The following GGH variants were observed in gnomAD, a reference collection of about 807,000 sequenced individuals.
GGH encodes the protein gamma-glutamyl hydrolase, also known as gamma-Glu-X carboxypeptidase.
Under a neutral mutation model 39.2 loss-of-function variants are expected in GGH, and 18 were observed. The ratio of observed to expected loss-of-function variants is 0.46; its 90% confidence interval spans 0.32 to 0.68. The LOEUF is 0.68. Among genes scored for constraint, GGH ranks in the 30% least tolerant of loss-of-function variants. The probability of loss-of-function intolerance (pLI) is 0.04; values close to 1 mark genes in which losing one functional copy is unlikely to be tolerated. For synonymous variants in GGH, 147 were observed against 138.8 expected (o/e 1.06, Z -0.42); for missense variants, 367 against 384.1 (o/e 0.96, Z 0.37).
chr8:63,037,968 T>G (rs1432856078), intron 1 of GGH, among the ~76,000 whole-genome samples: 1 of 152,220 alleles, frequency 6.6e-6, no homozygotes, highest in Non-Finnish European at 1.5e-5. Context: ...AAACTAATCT[T>G]AATGTCCACA....
At chr8:63,018,211 G>A (rs1489962754) in intron 7 of GGH, among the ~76,000 whole-genome samples, 1 of 151,916 alleles carries the variant, frequency 6.6e-6, no homozygotes, top group Non-Finnish European at 1.5e-5. Context: ...TGTCAAAGCT[G>A]ATAGATAGAC....
rs755491329 is a variant in GGH, at chr8:63,030,195, A to C, written c.247T>G (p.Tyr83Asp). The C allele has an allele frequency of 6.9e-7, 1 of 1,448,046 alleles. No homozygotes were observed. The highest frequency in any genetic ancestry group is 2.3e-5 in the East Asian group (1 of 43,826). 89.7% of individuals were successfully genotyped at this position (1,448,046 alleles called of 1,614,324 possible). ...PVRLDLTEKD[Y>D]EILFKSINGI... ...TTAATAGATTTGAAAAGTATTTCAT[A>C]GTCTTTCTCTGTAAGATCCAGCCTG... Residue 83 changes from tyrosine (Y) to aspartate (D), a missense_variant, in exon 3 of 9, where the codon TAT (tyrosine) becomes GAT (aspartate). Transcript: ENST00000260118.
rs544062027 is a variant in GGH at position 63,026,174 on chromosome 8, C to T, written c.483G>A (p.Pro161=). The change falls in exon 5 of 9, where the codon CCG becomes CCA. Residue 161 remains proline (P), a synonymous_variant. Coordinates refer to ENST00000260118, the MANE Select transcript of GGH (RefSeq NM_003878.3). The part of the protein sequence containing the change: ...TATDTVDVAM[P]LNFTGGQLHS... Reference sequence around the variant, plus strand: ...TACTCTTACCTCCAGTGAAGTTCAGCGGCATTGCCACGTCAACAGTATCTG... The same window carrying T: ...TACTCTTACCTCCAGTGAAGTTCAGTGGCATTGCCACGTCAACAGTATCTG... The T allele has an allele frequency of 5.1e-5, 81 of 1,600,492 alleles. No individual in the cohort carries two copies. Among genetic ancestry groups the T allele is most frequent in the East Asian group, 6.8e-5 (3 of 44,072 alleles).
intron 2 of GGH, among the ~76,000 whole-genome samples, chr8:63,032,413 T>C (rs956034679): frequency 1.3e-5 from 2 of 152,152 alleles, no homozygotes; most frequent in African/African-American, 4.8e-5. Context: ...TCCTGTATGC[T>C]ACCTCTGAGG....
At chr8:63,034,001 G>A (rs563656088) in intron 2 of GGH, among the ~76,000 whole-genome samples, 2 of 117,800 alleles carry the variant, frequency 1.7e-5, no homozygotes, top group Non-Finnish European at 3.5e-5. Flanking sequence ...ATATATATAT[G>A]TCTCTCCTTA....
chr8:63,024,198 T>A lies in GGH; in HGVS notation c.500-12A>T. The A allele has an allele frequency of 6.8e-7, 1 of 1,468,816 alleles. No homozygotes were observed. The highest frequency in any genetic ancestry group is 9.5e-7 in the Non-Finnish European group (1 of 1,051,122). The allele number at this position is 1,468,816 out of a possible 1,614,324, so 91.0% of individuals were successfully genotyped here. ...GCTGTGCAATTGACCTGAAATAATT[T>A]AAGTACAAGAGAAATAATTTAAACA... On this transcript the variant is annotated splice_polypyrimidine_tract_variant and intron_variant, in intron 5 of 8. Transcript: ENST00000260118.
intron 8 of GGH, among the ~76,000 whole-genome samples, chr8:63,016,605 T>C (rs1804491634): frequency 6.6e-6 from 1 of 152,242 alleles, no homozygotes; most frequent in South Asian, 2.1e-4. Context: ...TGTAGTACTT[T>C]TAAGCACAAC....
intron 2 of GGH, among the ~76,000 whole-genome samples, chr8:63,033,459 G>T (rs1804842339): frequency 6.6e-6 from 1 of 152,100 alleles, no homozygotes; most frequent in South Asian, 2.1e-4. Flanking sequence ...ATTTCTTTAT[G>T]ATTCAGTCTT....
chr8:63,037,790 T>A (rs1277064143), intron 1 of GGH, among the ~76,000 whole-genome samples: 2 of 152,158 alleles, frequency 1.3e-5, no homozygotes, highest in Non-Finnish European at 1.5e-5. Context: ...CAAATCACCA[T>A]GTTAAACAGC....
chr8:63,018,165 A>G (rs1804520570), intron 7 of GGH, among the ~76,000 whole-genome samples: 1 of 152,220 alleles, frequency 6.6e-6, no homozygotes. Flanking sequence ...TTAAAAGCAG[A>G]CATAAAACAA....
intron 2 of GGH, among the ~76,000 whole-genome samples, chr8:63,030,740 C>T (rs1444305912): frequency 1.3e-5 from 2 of 152,096 alleles, no homozygotes; most frequent in African/African-American, 2.4e-5. Context: ...GGATGGTTCA[C>T]ATCTAGTCTG....
intron 5 of GGH, 133 bp from the exon 6 acceptor site, chr8:63,024,319 CA>C: frequency 1.7e-6 from 1 of 589,688 alleles, no homozygotes; most frequent in Non-Finnish European, 3.0e-6. Context: ...CAAAACACAT[CA>C]TTTCCATAGA....
At chr8:63,034,052 A>C (rs1420572226) in intron 2 of GGH, among the ~76,000 whole-genome samples, 1 of 146,592 alleles carries the variant, frequency 6.8e-6, no homozygotes, top group Non-Finnish European at 1.5e-5. Context: ...ATATATTTTT[A>C]TATATATCTC....
chr8:63,038,633 T>G (rs757946225), intron 1 of GGH, 27 bp downstream of exon 1: 6 of 1,194,502 alleles, frequency 5.0e-6, no homozygotes, highest in Non-Finnish European at 6.8e-6. Context: ...CCTCCCCGTC[T>G]GCTGCGGCCC....
chr8:63,030,189 T>C lies in GGH; in HGVS notation c.253A>G (p.Ile85Val). ...TACCCATTAATAGATTTGAAAAGTATTTCATAGTCTTTCTCTGTAAGATCC... is the reference window on the plus strand; with the variant it reads ...TACCCATTAATAGATTTGAAAAGTACTTCATAGTCTTTCTCTGTAAGATCC... ...RLDLTEKDYE[I>V]LFKSINGILF... Residue 85 changes from isoleucine (I) to valine (V), a missense_variant, in exon 3 of 9, where the codon ATA becomes GTA. By Grantham distance (29) the Ile-to-Val change is conservative (BLOSUM62 3). Coordinates refer to ENST00000260118, the MANE Select transcript of GGH (RefSeq NM_003878.3). The C allele has an allele frequency of 6.9e-7, 1 of 1,439,716 alleles. No homozygotes were observed. The highest frequency in any genetic ancestry group is 9.8e-7 in the Non-Finnish European group (1 of 1,021,866). The allele number at this position is 1,439,716 out of a possible 1,614,324, so 89.2% of individuals were successfully genotyped here.
At chr8:63,034,285 G>A (rs1804860416) in intron 2 of GGH, among the ~76,000 whole-genome samples, 1 of 151,842 alleles carries the variant, frequency 6.6e-6, no homozygotes, top group Non-Finnish European at 1.5e-5. Flanking sequence ...TCTTGGTGTA[G>A]AAACAGTTAA....
chr8:63,023,821 A>G (rs1167430722), intron 7 of GGH, 86 bp downstream of exon 7: 16 of 1,003,034 alleles, frequency 1.6e-5, no homozygotes, highest in Non-Finnish European at 2.0e-5. Context: ...CCCCAAAGTA[A>G]TATGATTTTA....
At chr8:63,032,617 A>G (rs1002802178) in intron 2 of GGH, among the ~76,000 whole-genome samples, 2 of 152,178 alleles carry the variant, frequency 1.3e-5, no homozygotes, top group African/African-American at 2.4e-5. Context: ...GTTGACTCCC[A>G]GCATCCAAAA....
intron 7 of GGH, among the ~76,000 whole-genome samples, chr8:63,018,576 C>A (rs755122785): frequency 1.4e-4 from 21 of 152,188 alleles, no homozygotes; most frequent in Non-Finnish European, 2.6e-4. Flanking sequence ...TGGGTATTCA[C>A]GAGAGGAAAC....
Sources: gnomAD v4.1 joint callset for allele counts (sites outside exome capture counted in the v4.1 genomes callset) on GRCh38, gnomAD v4.1.1 for gene constraint, MANE v1.5 for transcripts, NCBI Gene and HGNC (gene_info 2026-07-23, HGNC 2026-07-21) for gene names.